Variants in CD47 observed in about 807,000 individuals in gnomAD.
The protein encoded by CD47 is leukocyte surface antigen CD47.
In CD47, 11 loss-of-function variants were observed where a neutral mutation model predicts 44.6. The observed-to-expected ratio is 0.25, with a 90% CI of 0.16 to 0.41. CD47 has a LOEUF of 0.41. Ranked by LOEUF, CD47 falls within the 10% of genes least tolerant of loss-of-function variation. The probability of loss-of-function intolerance (pLI) is 1.00; values close to 1 mark genes in which losing one functional copy is unlikely to be tolerated. For synonymous variants in CD47, 140 were observed against 136.3 expected (o/e 1.03, Z -0.19); for missense variants, 306 against 386.7 (o/e 0.79, Z 1.75).
intron 2 of CD47, among the ~76,000 whole-genome samples, chr3:108,073,978 T>C (rs2079258214): frequency 6.6e-6 from 1 of 152,198 alleles, no homozygotes; most frequent in African/African-American, 2.4e-5. Context: ...AACAGAGATT[T>C]TCATCACAGA....
chr3:108,043,393 T>C lies in CD47; in HGVS notation c.*3895A>G, dbSNP rs552571694. Reference sequence around the variant, plus strand: ...AAATAAAAAAGTACCTTGGCAAAGATTGCAGATATTCAAAGCTTTAAACAG... The same window carrying C: ...AAATAAAAAAGTACCTTGGCAAAGACTGCAGATATTCAAAGCTTTAAACAG... On this transcript the variant is annotated 3_prime_UTR_variant, in exon 11 of 11. Coordinates refer to ENST00000361309, the MANE Select transcript of CD47 (RefSeq NM_001777.4). 5.4e-4 allele frequency: 83 copies of C among 152,364 alleles called. No homozygotes were observed. Among genetic ancestry groups the C allele is most frequent in the Non-Finnish European group, 9.3e-4 (63 of 67,982 alleles). 9.4% of individuals were successfully genotyped at this position (152,364 alleles called of 1,614,324 possible).
At position 108,044,883 on chromosome 3, in the gene CD47, G is replaced by A. The variant is rs2078697072; in HGVS notation, c.*2405C>T. ...ATGGAAGAGTCAACAGCAGAAACTGGGATCAGGGAGTAAAAAGCATATTAT... is the reference window on the plus strand; with the variant it reads ...ATGGAAGAGTCAACAGCAGAAACTGAGATCAGGGAGTAAAAAGCATATTAT... On this transcript the variant is annotated 3_prime_UTR_variant, in exon 11 of 11. Transcript: ENST00000361309. 1 of 152,600 alleles carries A rather than the reference G, an allele frequency of 6.6e-6. No homozygotes were observed. The highest frequency in any genetic ancestry group is 2.4e-5 in the African/African-American group (1 of 41,432). 9.5% of individuals were successfully genotyped at this position (152,600 alleles called of 1,614,324 possible).
rs2079627087 is a variant in CD47 at position 108,090,960 on chromosome 3, A to C, written c.-52T>G. On this transcript the variant is annotated 5_prime_UTR_variant, in exon 1 of 11. Coordinates refer to ENST00000361309, the MANE Select transcript of CD47 (RefSeq NM_001777.4). ...CGCCGCCGCAGGTGTCCGGAGCAGC[A>C]GCCGCCGCCGCCGTTACAGGCAGGA... The C allele has an allele frequency of 7.5e-7, 1 of 1,326,258 alleles. No individual in the cohort carries two copies. The highest frequency in any genetic ancestry group is 9.9e-7 in the Non-Finnish European group (1 of 1,006,494). 82.2% of individuals were successfully genotyped at this position (1,326,258 alleles called of 1,614,324 possible). A position where few individuals can be genotyped will look rare whatever the true frequency, so the allele number is the denominator to read the frequency against.
chr3:108,077,466 G>A (rs1165366818), intron 2 of CD47, among the ~76,000 whole-genome samples: 1 of 152,036 alleles, frequency 6.6e-6, no homozygotes. Context: ...AAATGAAATA[G>A]CCACTCTGGA....
chr3:108,066,588 G>A (rs759154187), intron 3 of CD47, among the ~76,000 whole-genome samples: 27 of 152,200 alleles, frequency 1.8e-4, no homozygotes, highest in Non-Finnish European at 3.2e-4. Flanking sequence ...AAAGTATGGA[G>A]TTTTGTTACC....
intron 1 of CD47, among the ~76,000 whole-genome samples, chr3:108,083,949 AGTTTCC>A (rs1403682126): frequency 2.7e-5 from 4 of 149,842 alleles, no homozygotes; most frequent in Non-Finnish European, 5.9e-5. Flanking sequence ...CCTGAAAGCT[AGTTTCC>A]ATTTCTGCCT....
chr3:108,060,802 C>T lies in CD47; in HGVS notation c.541G>A (p.Val181Ile), dbSNP rs1470821416. ...ATGACAGTGATCACTAGTCCAGCAACAAGTAAAGCAATTGTTTTCTCATCC... is the reference window on the plus strand; with the variant it reads ...ATGACAGTGATCACTAGTCCAGCAATAAGTAAAGCAATTGTTTTCTCATCC... ...GMDEKTIALL[V>I]AGLVITVIVI... is the part of the protein sequence containing the mutation. The change falls in exon 4 of 11, where the codon GTT (valine) becomes ATT (isoleucine). Residue 181 changes from valine to isoleucine, a missense_variant. By Grantham distance (29) the Val-to-Ile change is conservative. Transcript: ENST00000361309. The T allele has an allele frequency of 3.7e-6, 6 of 1,613,572 alleles. No homozygotes were observed. The highest frequency in any genetic ancestry group is 5.1e-6 in the Non-Finnish European group (6 of 1,179,740).
intron 4 of CD47, among the ~76,000 whole-genome samples, chr3:108,059,882 T>G (rs1191265710): frequency 6.6e-6 from 1 of 152,190 alleles, no homozygotes; most frequent in Non-Finnish European, 1.5e-5. Context: ...TCAAGTTGTC[T>G]TCTGAATTCA....
At chr3:108,089,440 G>A (rs1024828165) in intron 1 of CD47, among the ~76,000 whole-genome samples, 1 of 151,996 alleles carries the variant, frequency 6.6e-6, no homozygotes, top group Non-Finnish European at 1.5e-5. Flanking sequence ...AATAGTATAT[G>A]GTTTATACTT....
intron 1 of CD47, among the ~76,000 whole-genome samples, chr3:108,084,876 C>T (rs2079489327): frequency 6.6e-6 from 1 of 152,060 alleles, no homozygotes; most frequent in Admixed American, 6.6e-5. Flanking sequence ...CCTCGAACTA[C>T]TGCCATACCC....
In CD47 at chr3:108,045,084, A is replaced by C. The variant is rs2078701540; in HGVS notation, c.*2204T>G. On this transcript the variant is annotated 3_prime_UTR_variant, in exon 11 of 11. Coordinates refer to ENST00000361309, the MANE Select transcript of CD47 (RefSeq NM_001777.4). Reference sequence around the variant, plus strand: ...TCCAGAGAAGCTGACAACTAGTGAGAGCAAGAGTTGGTTTCATCTGGCATT... The same window carrying C: ...TCCAGAGAAGCTGACAACTAGTGAGCGCAAGAGTTGGTTTCATCTGGCATT... 6.6e-6 allele frequency: 1 copy of C among 152,638 alleles called. No individual in the cohort carries two copies. The highest frequency in any genetic ancestry group is 2.4e-5 in the African/African-American group (1 of 41,440). The allele number at this position is 152,638 out of a possible 1,614,324, so 9.5% of individuals were successfully genotyped here.
chr3:108,080,390 A>T, intron 1 of CD47, 46 bp from the exon 2 acceptor site: 1 of 973,636 alleles, frequency 1.0e-6, no homozygotes, highest in Non-Finnish European at 1.6e-6. Context: ...AGAAGTCTGT[A>T]CTGTAAGATC....
intron 1 of CD47, among the ~76,000 whole-genome samples, chr3:108,084,375 T>C (rs1353743040): frequency 6.6e-6 from 1 of 152,004 alleles, no homozygotes; most frequent in Non-Finnish European, 1.5e-5. Context: ...TGATTACGAA[T>C]TTCCTCCTGC....
chr3:108,070,774 T>C (rs963977164), intron 3 of CD47, among the ~76,000 whole-genome samples: 14 of 152,182 alleles, frequency 9.2e-5, no homozygotes, highest in African/African-American at 3.4e-4. Flanking sequence ...CCTAATAACA[T>C]AATGTGTGTG....
intron 2 of CD47, among the ~76,000 whole-genome samples, chr3:108,078,234 A>T (rs904836401): frequency 6.6e-6 from 1 of 152,088 alleles, no homozygotes; most frequent in African/African-American, 2.4e-5. Flanking sequence ...TCTATAATAA[A>T]ACAATACTTT....
Position 108,045,253 on chromosome 3 carries a change from T to G in CD47, c.*2035A>C, listed in dbSNP as rs1226697813. 2 of 152,636 alleles carry G rather than the reference T, an allele frequency of 1.3e-5. No individual in the cohort carries two copies. Among genetic ancestry groups the G allele is most frequent in the African/African-American group, 4.8e-5 (2 of 41,458 alleles). The allele number at this position is 152,636 out of a possible 1,614,324, so 9.5% of individuals were successfully genotyped here. Reference sequence around the variant, plus strand: ...TTACTACATATTAAAAGGTACAACTTTAGTTTATAAAAAATTTTACTATAA... The same window carrying G: ...TTACTACATATTAAAAGGTACAACTGTAGTTTATAAAAAATTTTACTATAA... On this transcript the variant is annotated 3_prime_UTR_variant, in exon 11 of 11. Transcript: ENST00000361309.
chr3:108,081,823 A>G (rs547124720), intron 1 of CD47, among the ~76,000 whole-genome samples: 4 of 152,052 alleles, frequency 2.6e-5, no homozygotes, highest in African/African-American at 9.6e-5. Context: ...ATAATCTGGC[A>G]TTTTAATGTA....
intron 2 of CD47, 98 bp from the exon 3 acceptor site, chr3:108,071,280 A>G: frequency 1.7e-6 from 1 of 575,130 alleles, no homozygotes; most frequent in Non-Finnish European, 3.0e-6. Flanking sequence ...AGAGATGGAA[A>G]AAAATTAAAA....
chr3:108,048,371 G>GATTTTTTTTTTT (rs1559971847), intron 10 of CD47, among the ~76,000 whole-genome samples: 2 of 79,582 alleles, frequency 2.5e-5, no homozygotes, highest in Non-Finnish European at 4.6e-5. Context: ...TGACTGGAGT[G>GATTTTTTTTTTT]TTTTTTTTTT....
Sources: gnomAD v4.1 joint callset for allele counts (sites outside exome capture counted in the v4.1 genomes callset) on GRCh38, gnomAD v4.1.1 for gene constraint, MANE v1.5 for transcripts, NCBI Gene and HGNC (gene_info 2026-07-23, HGNC 2026-07-21) for gene names.